NRCAM: variants seen among roughly 807,000 people sequenced by gnomAD.
The protein encoded by NRCAM is NgCAM-related cell adhesion molecule.
Under a neutral mutation model 156.5 loss-of-function variants are expected in NRCAM, and 83 were observed. That is an observed-to-expected ratio of 0.53 (90% confidence interval 0.44 to 0.64). NRCAM has a LOEUF of 0.64. Ranked by LOEUF, NRCAM falls within the 30% of genes least tolerant of loss-of-function variation. NRCAM has a pLI of 0.00. For synonymous variants in NRCAM, 538 were observed against 563.9 expected (o/e 0.95, Z 0.65); for missense variants, 1,417 against 1,597.3 (o/e 0.89, Z 1.92).
At chr7:108,363,922 C>G (rs2099575199) in intron 2 of NRCAM, among the ~76,000 whole-genome samples, 1 of 151,768 alleles carries the variant, frequency 6.6e-6, no homozygotes. Context: ...GGAGACATAA[C>G]AAATAAAATG....
intron 3 of NRCAM, among the ~76,000 whole-genome samples, chr7:108,287,459 A>G (rs548650949): frequency 6.1e-4 from 93 of 151,982 alleles, no homozygotes; most frequent in African/African-American, 1.8e-3. Context: ...TCCAGAATCT[A>G]TGAGGAACTC....
At chr7:108,198,640 T>C (rs1246730332) in intron 13 of NRCAM, among the ~76,000 whole-genome samples, 1 of 152,156 alleles carries the variant, frequency 6.6e-6, no homozygotes, top group Non-Finnish European at 1.5e-5. Flanking sequence ...TAGTAAAAAA[T>C]ATAGAAACAC....
intron 2 of NRCAM, among the ~76,000 whole-genome samples, chr7:108,354,489 A>G (rs911279174): frequency 6.6e-6 from 1 of 152,254 alleles, no homozygotes; most frequent in Non-Finnish European, 1.5e-5. Context: ...AGTCAAAACC[A>G]TAAATATTCA....
intron 3 of NRCAM, among the ~76,000 whole-genome samples, chr7:108,281,786 T>C (rs2097868088): frequency 6.6e-6 from 1 of 152,238 alleles, no homozygotes; most frequent in Non-Finnish European, 1.5e-5. Flanking sequence ...GGGCAAAGCC[T>C]TGGCTGCGAA....
chr7:108,278,453 G>T (rs2097728147), intron 3 of NRCAM, among the ~76,000 whole-genome samples: 1 of 152,198 alleles, frequency 6.6e-6, no homozygotes, highest in Non-Finnish European at 1.5e-5. Flanking sequence ...AGCTACTCAA[G>T]CCTCAGCAAC....
At chr7:108,260,070 A>T (rs1562994476) in intron 3 of NRCAM, among the ~76,000 whole-genome samples, 1 of 100,578 alleles carries the variant, frequency 9.9e-6, no homozygotes, top group Non-Finnish European at 2.0e-5. Flanking sequence ...GACAATTTCC[A>T]TGAGGAAGAG....
intron 2 of NRCAM, among the ~76,000 whole-genome samples, chr7:108,376,837 T>C (rs1232858862): frequency 6.6e-6 from 1 of 152,154 alleles, no homozygotes; most frequent in Admixed American, 6.6e-5. Flanking sequence ...CCATGATCAA[T>C]GACACTGAAA....
intron 3 of NRCAM, among the ~76,000 whole-genome samples, chr7:108,255,489 G>A (rs1356255768): frequency 3.9e-5 from 6 of 152,160 alleles, no homozygotes; most frequent in Non-Finnish European, 7.3e-5. Context: ...CCAGGCTGGA[G>A]TGCAGTGGCG....
chr7:108,392,518 C>A (rs1032330012), intron 2 of NRCAM, among the ~76,000 whole-genome samples: 3 of 152,286 alleles, frequency 2.0e-5, no homozygotes, highest in African/African-American at 7.2e-5. Context: ...TGGGTTTGAA[C>A]ATCCTCCTTT....
chr7:108,440,868 G>A (rs994018624), intron 1 of NRCAM, among the ~76,000 whole-genome samples: 3 of 152,144 alleles, frequency 2.0e-5, no homozygotes, highest in Admixed American at 6.5e-5. Flanking sequence ...TATCTAAAAC[G>A]AAGTATTTCC....
At chr7:108,389,493 A>G (rs2099752753) in intron 2 of NRCAM, among the ~76,000 whole-genome samples, 1 of 152,338 alleles carries the variant, frequency 6.6e-6, no homozygotes, top group Non-Finnish European at 1.5e-5. Context: ...CAATCATGTC[A>G]TCTGCAAACA....
chr7:108,180,658 C>T (rs763272879), intron 24 of NRCAM, among the ~76,000 whole-genome samples: 2 of 152,094 alleles, frequency 1.3e-5, no homozygotes, highest in South Asian at 2.1e-4. Flanking sequence ...ACTACTTTGT[C>T]GTAGGAGTCT....
At chr7:108,268,740 A>G (rs1344626750) in intron 3 of NRCAM, among the ~76,000 whole-genome samples, 1 of 152,044 alleles carries the variant, frequency 6.6e-6, no homozygotes, top group Non-Finnish European at 1.5e-5. Flanking sequence ...GTGTTAGTGT[A>G]AATTCAGTAA....
intron 2 of NRCAM, among the ~76,000 whole-genome samples, chr7:108,322,314 T>A (rs1040221753): frequency 1.2e-4 from 18 of 152,192 alleles, no homozygotes; most frequent in African/African-American, 4.3e-4. Flanking sequence ...TTGAACTGAA[T>A]TTGAAGTCTT....
chr7:108,227,937 G>T (rs2153712327), intron 8 of NRCAM, among the ~76,000 whole-genome samples: 1 of 152,322 alleles, frequency 6.6e-6, no homozygotes, highest in South Asian at 2.1e-4. Context: ...GGTTCATCAT[G>T]TTAATCAAAT....
At chr7:108,418,581 A>ACACACACACG in intron 1 of NRCAM, among the ~76,000 whole-genome samples, 1 of 151,638 alleles carries the variant, frequency 6.6e-6, no homozygotes, top group Admixed American at 6.6e-5. Flanking sequence ...ACACACACAC[A>ACACACACACG]CACACACACA....
At chr7:108,339,005 C>T (rs951158464) in intron 2 of NRCAM, among the ~76,000 whole-genome samples, 2 of 152,198 alleles carry the variant, frequency 1.3e-5, no homozygotes, top group Non-Finnish European at 2.9e-5. Context: ...TGTGAGCACA[C>T]CTCACCAGTT....
intron 28 of NRCAM, among the ~76,000 whole-genome samples, chr7:108,168,815 C>A (rs945532233): frequency 6.6e-6 from 1 of 152,170 alleles, no homozygotes; most frequent in African/African-American, 2.4e-5. Context: ...TATGTGGCTA[C>A]TTTTCAAACC....
intron 1 of NRCAM, among the ~76,000 whole-genome samples, chr7:108,439,831 A>C (rs12532538): frequency 8.2e-6 from 1 of 121,704 alleles, no homozygotes; most frequent in South Asian, 2.7e-4. Flanking sequence ...AGACTCCGTC[A>C]CAAAAAAAAA....
Sources: allele counts gnomAD v4.1 joint callset (sites outside exome capture counted in the v4.1 genomes callset), GRCh38; gene constraint gnomAD v4.1.1; transcripts MANE v1.5; gene names NCBI Gene and HGNC (gene_info 2026-07-23, HGNC 2026-07-21).